CSMD1: variants seen among roughly 807,000 people sequenced by gnomAD.
The protein encoded by CSMD1 is CUB and Sushi multiple domains 1.
CSMD1 carries 213 observed loss-of-function variants against 417.5 expected under a neutral mutation model. The observed-to-expected ratio is 0.51, with a 90% CI of 0.46 to 0.57. The LOEUF (loss-of-function observed/expected upper bound fraction) is 0.57, where lower values mean the gene tolerates loss of function less well. Ranked by LOEUF, CSMD1 falls within the 20% of genes least tolerant of loss-of-function variation. CSMD1 has a pLI of 0.00. For missense variants in CSMD1, 6,923 were observed against 4,529.7 expected (o/e 1.53, Z -15.17); for synonymous variants, 2,862 against 1,736.8 (o/e 1.65, Z -16.11).
At chr8:2,961,008 C>T in intron 62 of CSMD1, 133 bp downstream of exon 62, 1 of 278,790 alleles carries the variant, frequency 3.6e-6, no homozygotes, top group Non-Finnish European at 6.5e-6. Context: ...GTAGAAATCC[C>T]CTTTGAACGA....
At chr8:3,152,551 T>C (rs967825994) in intron 39 of CSMD1, among the ~76,000 whole-genome samples, 1 of 152,204 alleles carries the variant, frequency 6.6e-6, no homozygotes, top group Non-Finnish European at 1.5e-5. Context: ...ACAACTTATT[T>C]GTAATTTGAG....
At chr8:3,615,278 C>T (rs530659086) in intron 8 of CSMD1, among the ~76,000 whole-genome samples, 1 of 152,134 alleles carries the variant, frequency 6.6e-6, no homozygotes, top group Non-Finnish European at 1.5e-5. Flanking sequence ...CTTGTCAGTA[C>T]AGTTTGTGCC....
At chr8:3,450,171 C>G (rs568195606) in intron 12 of CSMD1, among the ~76,000 whole-genome samples, 2 of 152,306 alleles carry the variant, frequency 1.3e-5, no homozygotes, top group African/African-American at 2.4e-5. Context: ...GTCTCTTACA[C>G]TCAGGCGGCC....
At chr8:3,833,022 G>A (rs1333776232) in intron 5 of CSMD1, among the ~76,000 whole-genome samples, 1 of 152,110 alleles carries the variant, frequency 6.6e-6, no homozygotes, top group African/African-American at 2.4e-5. Flanking sequence ...CTGCTAAGTT[G>A]ATACTATAAA....
At chr8:3,489,740 T>G (rs1340635267) in intron 11 of CSMD1, among the ~76,000 whole-genome samples, 1 of 152,196 alleles carries the variant, frequency 6.6e-6, no homozygotes, top group African/African-American at 2.4e-5. Context: ...ATAAGAATTT[T>G]TAAAACCGTA....
intron 5 of CSMD1, among the ~76,000 whole-genome samples, chr8:3,776,440 C>T (rs1271074116): frequency 6.6e-6 from 1 of 152,222 alleles, no homozygotes; most frequent in Non-Finnish European, 1.5e-5. Context: ...CTCTAATCTC[C>T]TGTCTGGCCA....
intron 10 of CSMD1, among the ~76,000 whole-genome samples, chr8:3,561,308 A>G (rs369698500): frequency 1.3e-5 from 2 of 152,320 alleles, no homozygotes; most frequent in East Asian, 1.9e-4. Flanking sequence ...AAAGGAAATC[A>G]TTCTACGAAA....
intron 5 of CSMD1, among the ~76,000 whole-genome samples, chr8:3,840,769 C>T (rs1389206875): frequency 6.9e-6 from 1 of 145,540 alleles, no homozygotes; most frequent in South Asian, 2.2e-4. Context: ...GATCTCAGTT[C>T]ACTGCAACGT....
chr8:4,467,624 A>T (rs1378183216), intron 2 of CSMD1, among the ~76,000 whole-genome samples: 1 of 152,228 alleles, frequency 6.6e-6, no homozygotes, highest in East Asian at 1.9e-4. Flanking sequence ...AATTCTTTTC[A>T]GTTTTCTGAA....
At chr8:4,867,354 C>G (rs548496812) in intron 1 of CSMD1, among the ~76,000 whole-genome samples, 2 of 152,078 alleles carry the variant, frequency 1.3e-5, no homozygotes, top group South Asian at 4.1e-4. Flanking sequence ...AATTTCTTTC[C>G]TCTTTAAATA....
At chr8:4,576,337 C>G (rs1393105206) in intron 2 of CSMD1, among the ~76,000 whole-genome samples, 3 of 152,242 alleles carry the variant, frequency 2.0e-5, no homozygotes, top group Non-Finnish European at 4.4e-5. Context: ...TGGCTTCTCT[C>G]CTGCTCACTC....
rs541076616 is a variant in CSMD1 at position 3,756,282 on chromosome 8, G to A, written c.819-2240C>T. Among the ~76,000 whole-genome samples, 7 of 151,706 alleles carry A rather than the reference G, an allele frequency of 4.6e-5. No homozygotes were observed. In the East Asian group the frequency reaches 7.8e-4, roughly 17 times the overall value. On this transcript the variant is annotated intron_variant, in intron 5 of 69. Coordinates refer to ENST00000635120, the MANE Select transcript of CSMD1 (RefSeq NM_033225.6). The stretch of plus-strand genomic sequence containing the variant: ...GCAGGAGAATGGCGTGAACCTGGGA[G>A]GCAGAGCTTGCAGTGAGCTGAGATC...
At chr8:3,910,114 G>A (rs1808366296) in intron 5 of CSMD1, among the ~76,000 whole-genome samples, 2 of 152,164 alleles carry the variant, frequency 1.3e-5, no homozygotes, top group South Asian at 4.1e-4. Flanking sequence ...AACATCAACT[G>A]TGGATAATAA....
chr8:3,581,642 AC>A (rs1458206900), intron 9 of CSMD1, among the ~76,000 whole-genome samples: 2 of 152,206 alleles, frequency 1.3e-5, no homozygotes, highest in African/African-American at 4.8e-5. Context: ...TCGCTGGAAT[AC>A]CTTTATGCTC....
At chr8:3,583,773 C>T (rs1007376013) in intron 9 of CSMD1, among the ~76,000 whole-genome samples, 2 of 152,062 alleles carry the variant, frequency 1.3e-5, no homozygotes, top group Admixed American at 6.6e-5. Flanking sequence ...TGTGGCTGCG[C>T]AGCCATGCCC....
intron 51 of CSMD1, among the ~76,000 whole-genome samples, chr8:3,025,503 G>A (rs1809802383): frequency 6.6e-6 from 1 of 152,200 alleles, no homozygotes; most frequent in Non-Finnish European, 1.5e-5. Context: ...TGTATTGTGT[G>A]GTGTTATTCC....
chr8:4,054,174 T>C (rs1052122437), intron 3 of CSMD1, among the ~76,000 whole-genome samples: 8 of 152,130 alleles, frequency 5.3e-5, no homozygotes, highest in Non-Finnish European at 1.2e-4. Flanking sequence ...ACCATCAAGA[T>C]TTCACAGAAC....
intron 3 of CSMD1, among the ~76,000 whole-genome samples, chr8:4,280,684 T>C (rs1336147678): frequency 2.0e-5 from 3 of 152,304 alleles, no homozygotes; most frequent in East Asian, 3.9e-4. Context: ...TAACCTTGTC[T>C]AGATGAGCAC....
intron 5 of CSMD1, among the ~76,000 whole-genome samples, chr8:3,806,031 A>C (rs1436942426): frequency 6.6e-6 from 1 of 152,200 alleles, no homozygotes; most frequent in Non-Finnish European, 1.5e-5. Context: ...GCTTCATTGC[A>C]CATTAACTTC....
Sources: gnomAD v4.1 joint callset for allele counts (sites outside exome capture counted in the v4.1 genomes callset) on GRCh38, gnomAD v4.1.1 for gene constraint, MANE v1.5 for transcripts, NCBI Gene and HGNC (gene_info 2026-07-23, HGNC 2026-07-21) for gene names.